The following AGTPBP1 variants were observed in gnomAD, a reference collection of about 807,000 sequenced individuals.
AGTPBP1 encodes ATP/GTP binding carboxypeptidase 1.
In AGTPBP1, 70 loss-of-function variants were observed where a neutral mutation model predicts 143.9. The ratio of observed to expected loss-of-function variants is 0.49; its 90% CI spans 0.40 to 0.59. AGTPBP1 has a LOEUF of 0.59. Among genes scored for constraint, AGTPBP1 ranks in the 20% least tolerant of loss-of-function variants. The pLI is 0.00. For synonymous variants in AGTPBP1, 463 were observed against 500.2 expected, an observed-to-expected ratio of 0.93 and a Z score of 0.99; for missense variants, 1,229 against 1,464.5, an observed-to-expected ratio of 0.84 and a Z score of 2.62.
chr9:85,615,451 C>G (rs1830552648), intron 17 of AGTPBP1, among the ~76,000 whole-genome samples: 1 of 151,932 alleles, frequency 6.6e-6, no homozygotes, highest in African/African-American at 2.4e-5. Flanking sequence ...TTTATTGTAC[C>G]TTACTCAATA....
rs1453031324 is a variant in AGTPBP1 at position 85,547,023 on chromosome 9, T to C, written c.*86A>G. On this transcript the variant is annotated 3_prime_UTR_variant, in exon 26 of 26. Coordinates refer to ENST00000357081, the MANE Select transcript of AGTPBP1 (RefSeq NM_001330701.2). ...TTTGTCTTTTTGAGTCAGCTCTGTA[T>C]AAACTCATTTCTCTCAAGCTTCCTG... 1 of 1,436,994 alleles carries C rather than the reference T, an allele frequency of 7.0e-7. No individual in the cohort carries two copies. The highest frequency in any genetic ancestry group is 2.5e-5 in the Admixed American group (1 of 40,276). The allele number at this position is 1,436,994 out of a possible 1,614,324, so 89.0% of individuals were successfully genotyped here.
At chr9:85,604,156 T>A (rs1385012793) in intron 17 of AGTPBP1, among the ~76,000 whole-genome samples, 1 of 151,398 alleles carries the variant, frequency 6.6e-6, no homozygotes, top group Non-Finnish European at 1.5e-5. Flanking sequence ...GCCATGGGCC[T>A]TGGGCAGGAC....
chr9:85,630,080 C>G (rs1486640661), intron 14 of AGTPBP1, among the ~76,000 whole-genome samples: 1 of 152,194 alleles, frequency 6.6e-6, no homozygotes, highest in East Asian at 1.9e-4. Context: ...GAAGTGCCTT[C>G]TGTAGTCAAG....
chr9:85,758,443 G>C, the AGTPBP1 span, among the ~76,000 whole-genome samples: 5 of 152,124 alleles, frequency 3.3e-5, no homozygotes, highest in Non-Finnish European at 5.9e-5. Flanking sequence ...TCAGGCGTTC[G>C]AAACCAGCCT....
the AGTPBP1 span, among the ~76,000 whole-genome samples, chr9:85,763,952 A>T: frequency 2.0e-5 from 3 of 152,178 alleles, no homozygotes; most frequent in Non-Finnish European, 4.4e-5. Flanking sequence ...CATCTCCATA[A>T]ATCTGGCCAT....
intron 13 of AGTPBP1, among the ~76,000 whole-genome samples, chr9:85,638,409 G>A (rs1340768549): frequency 6.6e-6 from 1 of 151,860 alleles, no homozygotes; most frequent in East Asian, 1.9e-4. Context: ...GGAAAAGGTG[G>A]AGTAAGAGAA....
intron 13 of AGTPBP1, among the ~76,000 whole-genome samples, chr9:85,634,962 A>G (rs1831941122): frequency 6.6e-6 from 1 of 152,128 alleles, no homozygotes; most frequent in Non-Finnish European, 1.5e-5. Context: ...TTTAAAAAAA[A>G]ATTTCTAATG....
chr9:85,722,364 C>T (rs1335862728), intron 1 of AGTPBP1, among the ~76,000 whole-genome samples: 3 of 152,112 alleles, frequency 2.0e-5, no homozygotes, highest in Admixed American at 6.6e-5. Flanking sequence ...AGGCTTTCTT[C>T]GTTTCTTTTC....
chr9:85,690,990 TTATC>T (rs955717913), intron 3 of AGTPBP1, among the ~76,000 whole-genome samples: 1 of 152,172 alleles, frequency 6.6e-6, no homozygotes, highest in African/African-American at 2.4e-5. Context: ...ACAAAAGTGT[TTATC>T]TATAGGTCTG....
the AGTPBP1 span, among the ~76,000 whole-genome samples, chr9:85,757,003 T>G: frequency 3.0e-4 from 44 of 147,912 alleles, no homozygotes; most frequent in African/African-American, 6.7e-4. Flanking sequence ...TTTCTTTTTT[T>G]TGGGGGGGTG....
chr9:85,664,602 G>A (rs1211296700), intron 8 of AGTPBP1, among the ~76,000 whole-genome samples: 1 of 152,028 alleles, frequency 6.6e-6, no homozygotes, highest in Non-Finnish European at 1.5e-5. Flanking sequence ...TCTCAGAAAC[G>A]TATTTTTAAA....
intron 25 of AGTPBP1, among the ~76,000 whole-genome samples, chr9:85,551,418 T>C (rs1471381150): frequency 6.6e-6 from 1 of 152,216 alleles, no homozygotes; most frequent in Non-Finnish European, 1.5e-5. Context: ...TTGCACATTC[T>C]ATCTGATCAC....
Position 85,655,331 on chromosome 9 carries a change from A to AAAAAAG in AGTPBP1, c.910-17_910-12dup, listed in dbSNP as rs1247939955. 1 of 1,475,114 alleles carries AAAAAAG rather than the reference A, an allele frequency of 6.8e-7. No individual in the cohort carries two copies. The highest frequency in any genetic ancestry group is 9.0e-7 in the Non-Finnish European group (1 of 1,112,610). 91.4% of individuals were successfully genotyped at this position (1,475,114 alleles called of 1,614,324 possible). On this transcript the variant is annotated splice_polypyrimidine_tract_variant and intron_variant, in intron 10 of 25. Transcript: ENST00000357081. ...GACTGCCAGACATTCCTGTTTTTTA[A>AAAAAAG]AAAAAGAAAAAGAAAAAGAATGTTT...
intron 3 of AGTPBP1, among the ~76,000 whole-genome samples, chr9:85,682,043 C>T (rs532705160): frequency 6.6e-6 from 1 of 151,546 alleles, no homozygotes; most frequent in East Asian, 1.9e-4. Flanking sequence ...CCACCATGCC[C>T]GACCTGTATT....
chr9:85,651,328 C>T (rs994952102), intron 11 of AGTPBP1, among the ~76,000 whole-genome samples: 1 of 152,160 alleles, frequency 6.6e-6, no homozygotes, highest in African/African-American at 2.4e-5. Context: ...GTTACCTTTA[C>T]ATTTGGCGAA....
the AGTPBP1 span, among the ~76,000 whole-genome samples, chr9:85,798,295 T>C: frequency 7.8e-4 from 118 of 152,114 alleles, 1 homozygote; most frequent in African/African-American, 2.5e-3. Flanking sequence ...GAAGTTAAAA[T>C]TTTTGTGAAT....
intron 1 of AGTPBP1, among the ~76,000 whole-genome samples, chr9:85,713,294 G>A (rs79602414): frequency 0.015 from 2,253 of 152,284 alleles, 24 homozygotes; most frequent in Middle Eastern, 0.037. Flanking sequence ...ACTTTGGGGG[G>A]CCAAGGCAGG....
chr9:85,786,021 T>C, the AGTPBP1 span: 2 of 1,061,782 alleles, frequency 1.9e-6, no homozygotes, highest in Non-Finnish European at 2.8e-6. Flanking sequence ...TAATAATGTA[T>C]TTATGTTAAG....
intron 25 of AGTPBP1, among the ~76,000 whole-genome samples, chr9:85,556,806 A>C (rs533688082): frequency 1.3e-5 from 2 of 152,290 alleles, no homozygotes; most frequent in South Asian, 4.1e-4. Flanking sequence ...ATAATACATA[A>C]AGCAAAAATT....
Sources: gnomAD v4.1 joint callset for allele counts (sites outside exome capture counted in the v4.1 genomes callset) on GRCh38, gnomAD v4.1.1 for gene constraint, MANE v1.5 for transcripts, NCBI Gene and HGNC (gene_info 2026-07-23, HGNC 2026-07-21) for gene names.